RBFOX1: variants seen among roughly 807,000 people sequenced by gnomAD.
RBFOX1 encodes the protein RNA binding protein fox-1 homolog 1.
In RBFOX1, 8 loss-of-function variants were observed where a neutral mutation model predicts 57.7. That is an observed-to-expected ratio of 0.14 (90% CI 0.08 to 0.25). RBFOX1 has a LOEUF of 0.25. Ranked by LOEUF, RBFOX1 falls within the 10% of genes least tolerant of loss-of-function variation. The pLI is 1.00. For synonymous variants in RBFOX1, 326 were observed against 222.4 expected, an observed-to-expected ratio of 1.47 and a Z score of -4.15; for missense variants, 611 against 548.5, an observed-to-expected ratio of 1.11 and a Z score of -1.14.
intron 5 of RBFOX1, among the ~76,000 whole-genome samples, chr16:7,554,777 C>T (rs997305961): frequency 5.9e-5 from 9 of 151,966 alleles, no homozygotes; most frequent in East Asian, 1.9e-4. Context: ...GCCAAGTGCA[C>T]GACATCAAAC....
chr16:7,097,898 A>G (rs779749986), intron 4 of RBFOX1, among the ~76,000 whole-genome samples: 12 of 152,246 alleles, frequency 7.9e-5, no homozygotes, highest in Non-Finnish European at 1.6e-4. Flanking sequence ...AGTGCCTCAC[A>G]CAATGGCCTG....
chr16:6,193,927 C>T (rs2097163455), intron 1 of RBFOX1, among the ~76,000 whole-genome samples: 1 of 152,150 alleles, frequency 6.6e-6, no homozygotes, highest in Non-Finnish European at 1.5e-5. Flanking sequence ...CGAAGTTGCT[C>T]TCCAAGGTTC....
At chr16:7,552,209 ACTT>A (rs2086766889) in intron 5 of RBFOX1, among the ~76,000 whole-genome samples, 1 of 151,870 alleles carries the variant, frequency 6.6e-6, no homozygotes, top group Non-Finnish European at 1.5e-5. Context: ...CTTTCCTTGT[ACTT>A]CTTTTTTCAT....
chr16:5,998,501 G>A (rs2060529354), intron 4 of RBFOX1, among the ~76,000 whole-genome samples: 1 of 152,176 alleles, frequency 6.6e-6, no homozygotes, highest in Non-Finnish European at 1.5e-5. Flanking sequence ...CTAGGGCTAG[G>A]GTGTTTTCAA....
At chr16:5,841,666 G>C (rs1170760200) in intron 3 of RBFOX1, among the ~76,000 whole-genome samples, 39 of 152,126 alleles carry the variant, frequency 2.6e-4, no homozygotes, top group Admixed American at 2.5e-3. Context: ...TGAAACTCAG[G>C]TGTAAGTCAT....
At chr16:7,289,609 GTCATCACCATCA>G (rs2095721204) in intron 4 of RBFOX1, among the ~76,000 whole-genome samples, 1 of 151,830 alleles carries the variant, frequency 6.6e-6, no homozygotes, top group South Asian at 2.1e-4. Flanking sequence ...TTTCATCATA[GTCATCACCATCA>G]TCATCACCAT....
intron 1 of RBFOX1, among the ~76,000 whole-genome samples, chr16:6,179,754 T>G (rs1434243427): frequency 6.6e-6 from 1 of 152,170 alleles, no homozygotes; most frequent in Non-Finnish European, 1.5e-5. Flanking sequence ...AGGCCAAAAC[T>G]TAGTGTATCA....
intron 3 of RBFOX1, among the ~76,000 whole-genome samples, chr16:6,976,940 A>AT (rs2153580448): frequency 6.8e-6 from 1 of 147,606 alleles, no homozygotes; most frequent in African/African-American, 2.5e-5. Context: ...TATATATCAT[A>AT]TACTATATAT....
At chr16:6,758,234 A>C (rs962255042) in intron 3 of RBFOX1, among the ~76,000 whole-genome samples, 1 of 152,100 alleles carries the variant, frequency 6.6e-6, no homozygotes, top group African/African-American at 2.4e-5. Context: ...TTGGGAAGCT[A>C]CTATCAGAAT....
chr16:6,187,921 C>A (rs367588348), intron 1 of RBFOX1, among the ~76,000 whole-genome samples: 1 of 152,232 alleles, frequency 6.6e-6, no homozygotes, highest in East Asian at 1.9e-4. Context: ...TGCACATGTG[C>A]GTGCATATGT....
chr16:6,627,252 G>A (rs2098323327), intron 2 of RBFOX1, among the ~76,000 whole-genome samples: 1 of 152,296 alleles, frequency 6.6e-6, no homozygotes, highest in East Asian at 1.9e-4. Flanking sequence ...CTTTGAAGCT[G>A]GCCTCTAGAA....
intron 4 of RBFOX1, among the ~76,000 whole-genome samples, chr16:5,910,928 C>T (rs1158940537): frequency 1.3e-5 from 2 of 152,176 alleles, no homozygotes; most frequent in East Asian, 3.9e-4. Flanking sequence ...AACTCTGACT[C>T]TCCTCCCTGT....
At chr16:5,672,770 C>T (rs887404310) in intron 3 of RBFOX1, among the ~76,000 whole-genome samples, 1 of 152,094 alleles carries the variant, frequency 6.6e-6, no homozygotes, top group African/African-American at 2.4e-5. Context: ...GGCTCACAAG[C>T]AGCCCAGCTA....
At chr16:5,920,085 C>T (rs1465866072) in intron 4 of RBFOX1, among the ~76,000 whole-genome samples, 1 of 152,182 alleles carries the variant, frequency 6.6e-6, no homozygotes, top group Non-Finnish European at 1.5e-5. Context: ...AGGCGCCCGC[C>T]ACCACACCCA....
At chr16:5,331,420 C>T (rs1232532677) in intron 1 of RBFOX1, among the ~76,000 whole-genome samples, 1 of 152,194 alleles carries the variant, frequency 6.6e-6, no homozygotes, top group African/African-American at 2.4e-5. Flanking sequence ...ATTCATGTGT[C>T]TGGAGGTCAG....
intron 4 of RBFOX1, among the ~76,000 whole-genome samples, chr16:7,274,059 G>T (rs765975358): frequency 6.6e-6 from 1 of 152,088 alleles, no homozygotes; most frequent in East Asian, 1.9e-4. Context: ...CAAAGTACTA[G>T]AGAAAACATA....
chr16:6,842,100 G>A (rs998376738), intron 3 of RBFOX1, among the ~76,000 whole-genome samples: 6 of 151,388 alleles, frequency 4.0e-5, no homozygotes, highest in Admixed American at 6.6e-5. Flanking sequence ...CGGAGATCGC[G>A]CCACTGCACT....
At chr16:5,653,065 C>T (rs1432482128) in intron 3 of RBFOX1, among the ~76,000 whole-genome samples, 44 of 32,780 alleles carry the variant, frequency 1.3e-3, no homozygotes, top group South Asian at 6.6e-3. Context: ...TGTGCTGGGC[C>T]TGTGTGAGCA....
chr16:6,509,881 G>T (rs1008384118), intron 2 of RBFOX1, among the ~76,000 whole-genome samples: 3 of 152,174 alleles, frequency 2.0e-5, no homozygotes, highest in African/African-American at 7.2e-5. Context: ...GGAGAAGTCA[G>T]ATTTGAGGAG....
Sources: gnomAD v4.1 joint callset for allele counts (sites outside exome capture counted in the v4.1 genomes callset) on GRCh38, gnomAD v4.1.1 for gene constraint, MANE v1.5 for transcripts, NCBI Gene and HGNC (gene_info 2026-07-23, HGNC 2026-07-21) for gene names.